VPS13C: variants seen among roughly 807,000 people sequenced by gnomAD.
VPS13C encodes the protein intermembrane lipid transfer protein VPS13C.
Under a neutral mutation model 456.8 loss-of-function variants are expected in VPS13C, and 358 were observed. The observed-to-expected ratio is 0.78, with a 90% CI of 0.72 to 0.86. The LOEUF (loss-of-function observed/expected upper bound fraction) is 0.86, where lower values mean the gene tolerates loss of function less well. Ranked by LOEUF, VPS13C falls within the 40% of genes least tolerant of loss-of-function variation. The probability of loss-of-function intolerance (pLI) is 0.00; values close to 1 mark genes in which losing one functional copy is unlikely to be tolerated. For synonymous variants in VPS13C, 1,578 were observed against 1,486.7 expected, an observed-to-expected ratio of 1.06 and a Z score of -1.41; for missense variants, 4,818 against 4,385.4, an observed-to-expected ratio of 1.10 and a Z score of -2.79.
At position 62,008,807 on chromosome 15, in the gene VPS13C, A is replaced by T. The variant is rs1386216625; in HGVS notation, c.1012-46T>A. The T allele has an allele frequency of 3.5e-6, 4 of 1,150,912 alleles. No homozygotes were observed. In the African/African-American group the frequency reaches 4.8e-5, roughly 14 times the overall value. The allele number at this position is 1,150,912 out of a possible 1,614,324, so 71.3% of individuals were successfully genotyped here. On this transcript the variant is annotated intron_variant, in intron 13 of 84. Coordinates refer to ENST00000644861, the MANE Select transcript of VPS13C (RefSeq NM_020821.3). Reference sequence around the variant, plus strand: ...TTATATTTATTACACTGTATATATAAAAAAAAGACTAAATTTAATTCTATT... The same window carrying T: ...TTATATTTATTACACTGTATATATATAAAAAAGACTAAATTTAATTCTATT...
intron 75 of VPS13C, 66 bp from the exon 76 acceptor site, chr15:61,875,911 G>C (rs1895389025): frequency 9.3e-7 from 1 of 1,070,540 alleles, no homozygotes; most frequent in African/African-American, 1.7e-5. Context: ...TAATGAAATA[G>C]AAAAAAAGAG....
At chr15:62,056,113 C>G (rs971043735) in intron 1 of VPS13C, among the ~76,000 whole-genome samples, 1 of 152,148 alleles carries the variant, frequency 6.6e-6, no homozygotes, top group African/African-American at 2.4e-5. Context: ...AGTAGTTTAT[C>G]AATTGATTCC....
chr15:61,967,026 A>C (rs754367750), intron 29 of VPS13C, among the ~76,000 whole-genome samples: 1 of 151,928 alleles, frequency 6.6e-6, no homozygotes, highest in African/African-American at 2.4e-5. Context: ...ACCCAATTTA[A>C]TATGACTTTA....
intron 60 of VPS13C, 30 bp downstream of exon 60, chr15:61,917,311 C>G (rs1481762053): frequency 1.9e-6 from 3 of 1,599,530 alleles, no homozygotes; most frequent in African/African-American, 2.7e-5. Context: ...TGTGCAACAA[C>G]AAAAATCAAA....
intron 18 of VPS13C, among the ~76,000 whole-genome samples, chr15:61,989,926 A>G (rs915488918): frequency 4.6e-5 from 7 of 152,218 alleles, no homozygotes; most frequent in Non-Finnish European, 7.3e-5. Flanking sequence ...GTTATCTTAC[A>G]CATCCACACT....
intron 16 of VPS13C, among the ~76,000 whole-genome samples, chr15:61,993,690 G>A (rs1313925947): frequency 6.6e-6 from 1 of 151,950 alleles, no homozygotes; most frequent in Non-Finnish European, 1.5e-5. Flanking sequence ...AACATAGAAA[G>A]GCTATGAAGA....
intron 6 of VPS13C, 90 bp downstream of exon 6, chr15:62,028,268 T>G (rs1174124878): frequency 2.9e-6 from 4 of 1,362,980 alleles, no homozygotes; most frequent in Admixed American, 3.6e-5. Flanking sequence ...TCTAAAAGGA[T>G]GGCATGCCAT....
intron 11 of VPS13C, 134 bp from the exon 12 acceptor site, chr15:62,012,298 T>A (rs1340871225): frequency 1.1e-5 from 6 of 538,010 alleles, no homozygotes; most frequent in African/African-American, 2.0e-5. Flanking sequence ...TCTCTGTTAC[T>A]AGTAGTCAAT....
At chr15:62,055,363 G>A (rs1324220091) in intron 1 of VPS13C, among the ~76,000 whole-genome samples, 1 of 151,326 alleles carries the variant, frequency 6.6e-6, no homozygotes, top group Non-Finnish European at 1.5e-5. Flanking sequence ...GAGTAACTGG[G>A]ACTACAGGCG....
rs1224738131 is a variant in VPS13C at position 61,990,978 on chromosome 15, TTTAAACCACTTAAATAA to T, written c.1578+5_1578+21del. ...ATATAGTACAATGAGACAAAATTCC[TTTAAACCACTTAAATAA>T]TTACCTGCTTAGGTAAAGTTAGGTT... On this transcript the variant is annotated splice_donor_5th_base_variant and intron_variant, in intron 18 of 84. Transcript: ENST00000644861. The T allele has an allele frequency of 6.4e-7, 1 of 1,562,636 alleles. No homozygotes were observed. The highest frequency in any genetic ancestry group is 1.4e-5 in the African/African-American group (1 of 73,550).
chr15:61,920,441 T>G (rs2043617111), intron 56 of VPS13C, 57 bp downstream of exon 56: 3 of 1,487,714 alleles, frequency 2.0e-6, no homozygotes, highest in Non-Finnish European at 2.7e-6. Context: ...GACAAAAAAA[T>G]TATATGTTTC....
At chr15:62,037,501 T>TTATTATATTGTAAGAATATAATAAATA (rs2048102897) in intron 3 of VPS13C, among the ~76,000 whole-genome samples, 1 of 119,316 alleles carries the variant, frequency 8.4e-6, no homozygotes, top group Non-Finnish European at 1.6e-5. Context: ...TATAATAAAT[T>TTATTATATTGTAAGAATATAATAAATA]TATTATATTG....
At chr15:61,916,338 T>C (rs1258077261) in intron 60 of VPS13C, among the ~76,000 whole-genome samples, 1 of 152,236 alleles carries the variant, frequency 6.6e-6, no homozygotes, top group Non-Finnish European at 1.5e-5. Flanking sequence ...TAGAGCTATG[T>C]CATTAAATGA....
intron 27 of VPS13C, among the ~76,000 whole-genome samples, chr15:61,970,981 T>G (rs2045531869): frequency 6.6e-6 from 1 of 151,708 alleles, no homozygotes; most frequent in Non-Finnish European, 1.5e-5. Flanking sequence ...AAGTGTAAGC[T>G]CCATGCGGCA....
At chr15:62,010,834 A>C (rs971595296) in intron 12 of VPS13C, among the ~76,000 whole-genome samples, 7 of 152,224 alleles carry the variant, frequency 4.6e-5, no homozygotes, top group Non-Finnish European at 8.8e-5. Context: ...CCATGCTTCT[A>C]GGTAAGAAAT....
intron 43 of VPS13C, among the ~76,000 whole-genome samples, chr15:61,946,820 T>C (rs911495336): frequency 1.3e-5 from 2 of 152,066 alleles, no homozygotes; most frequent in Non-Finnish European, 1.5e-5. Flanking sequence ...TTAAAAACTG[T>C]TGCTCCAATA....
In VPS13C at chr15:61,917,526, T is replaced by C. The variant is rs759079059; in HGVS notation, c.7870A>G (p.Met2624Val). Reference sequence around the variant, plus strand: ...ACTTCTACTGATGGACACTGCAACATGCATCTGACTTCCCTGCTCCTATGA... The same window carrying C: ...ACTTCTACTGATGGACACTGCAACACGCATCTGACTTCCCTGCTCCTATGA... Reference protein sequence around the residue: ...ELHRSREVRCMLQCPSVEVSF... With the variant: ...ELHRSREVRCVLQCPSVEVSF... The change falls in exon 60 of 85, where the codon ATG (methionine) becomes GTG (valine). Residue 2624 changes from methionine to valine, a missense_variant. Transcript: ENST00000644861. 3 of 1,613,946 alleles carry C rather than the reference T, an allele frequency of 1.9e-6. No individual in the cohort carries two copies. The highest frequency in any genetic ancestry group is 1.3e-5 in the African/African-American group (1 of 74,928).
At chr15:62,023,687 T>C (rs945069340) in intron 7 of VPS13C, 93 bp downstream of exon 7, 8 of 1,310,358 alleles carry the variant, frequency 6.1e-6, no homozygotes, top group African/African-American at 4.5e-5. Context: ...TTTGAATTTA[T>C]ACTGTTATCT....
At chr15:61,873,637 A>G (rs970207777) in intron 77 of VPS13C, among the ~76,000 whole-genome samples, 1 of 152,150 alleles carries the variant, frequency 6.6e-6, no homozygotes, top group African/African-American at 2.4e-5. Flanking sequence ...CACCCCAGTT[A>G]GAATAGTTAT....
Sources: allele counts gnomAD v4.1 joint callset (sites outside exome capture counted in the v4.1 genomes callset), GRCh38; gene constraint gnomAD v4.1.1; transcripts MANE v1.5; gene names NCBI Gene and HGNC (gene_info 2026-07-23, HGNC 2026-07-21).